The following ZNF34 variants were observed in gnomAD, a reference collection of about 807,000 sequenced individuals.
The protein encoded by ZNF34 is zinc finger protein 34 (KOX 32).
ZNF34 carries 8 observed loss-of-function variants against 14.4 expected under a neutral mutation model. The observed-to-expected ratio is 0.55, with a 90% CI of 0.33 to 1.00. The LOEUF (loss-of-function observed/expected upper bound fraction) is 1.00. ZNF34 is among the 50% of genes least tolerant of loss of function. ZNF34 has a pLI of 0.03. For missense variants in ZNF34, 538 were observed against 674.2 expected (o/e 0.80, Z 2.24); for synonymous variants, 235 against 247.9 (o/e 0.95, Z 0.49).
In ZNF34 at chr8:144,773,269, C is replaced by A; in HGVS notation, c.1617G>T (p.Met539Ile). The change falls in exon 6 of 6, where the codon ATG (methionine) becomes ATT (isoleucine). Residue 539 changes from methionine to isoleucine, a missense_variant. Met to Ile is a conservative substitution (Grantham distance 10). Around this residue, in one of 3 missense-constraint regions of ZNF34, gnomAD observed 101 missense variants for 123.1 expected, o/e 0.82. Coordinates refer to ENST00000429371, the MANE Select transcript of ZNF34 (RefSeq NM_001286769.2). The surrounding 1 kb of genome is among the most constrained non-coding windows in gnomAD (Gnocchi z 5.4). ...QRIHLREDFS[M>I] ...GCCCTCGGACACCGCGCCACTGTTA[C>A]ATGGAGAAGTCCTCCCGGAGGTGAA... 1 of 1,602,874 alleles carries A rather than the reference C, an allele frequency of 6.2e-7. No individual in the cohort carries two copies. The highest frequency in any genetic ancestry group is 1.3e-5 in the African/African-American group (1 of 74,942).
At chr8:144,783,988 C>A (rs1826062830) in intron 1 of ZNF34, among the ~76,000 whole-genome samples, 1 of 151,950 alleles carries the variant, frequency 6.6e-6, no homozygotes, top group Non-Finnish European at 1.5e-5. Context: ...GGTGAAACCC[C>A]ATCTCTACTA....
In ZNF34 at chr8:144,773,695, G is replaced by A. The variant is rs7845196; in HGVS notation, c.1191C>T (p.Pro397=). ...QHQRIHTGEK[P]YKCNECEKAF... is the part of the protein sequence containing the mutation. ...CTTTCTCACATTCATTACATTTATAGGGTTTCTCTCCAGTGTGAATTCTCT... is the reference window on the plus strand; with the variant it reads ...CTTTCTCACATTCATTACATTTATAAGGTTTCTCTCCAGTGTGAATTCTCT... The change falls in exon 6 of 6, where the codon CCC becomes CCT. Residue 397 remains proline, a synonymous_variant. Coordinates refer to ENST00000429371, the MANE Select transcript of ZNF34 (RefSeq NM_001286769.2). The surrounding 1 kb of genome is among the most constrained non-coding windows in gnomAD (Gnocchi z 5.4). The A allele has an allele frequency of 0.013, 21,757 of 1,613,914 alleles. 2,538 individuals carry two copies. In the African/African-American group the frequency reaches 0.25, roughly 19 times the overall value.
chr8:144,773,626 G>A lies in ZNF34; in HGVS notation c.1260C>T (p.His420=). 1 of 1,614,190 alleles carries A rather than the reference G, an allele frequency of 6.2e-7. No individual in the cohort carries two copies. Among genetic ancestry groups the A allele is most frequent in the Non-Finnish European group, 8.5e-7 (1 of 1,180,022 alleles). Residue 420 remains histidine (H), a synonymous_variant, in exon 6 of 6, where the codon CAC becomes CAT. Coordinates refer to ENST00000429371, the MANE Select transcript of ZNF34 (RefSeq NM_001286769.2). The surrounding 1 kb of genome is among the most constrained non-coding windows in gnomAD (Gnocchi z 5.4). ...KTKLVEHQRS[H]TGEKPYECND... ...TGCATTCATAGGGCTTCTCTCCAGT[G>A]TGGCTTCTCTGATGTTCCACGAGTT... is the stretch of plus-strand genomic sequence containing the variant.
chr8:144,784,360 T>C (rs1826093210), intron 1 of ZNF34, among the ~76,000 whole-genome samples: 1 of 151,122 alleles, frequency 6.6e-6, no homozygotes. Flanking sequence ...GGACAATAAA[T>C]GGTATTGGCA....
chr8:144,780,978 CA>C (rs1554629334), intron 1 of ZNF34, among the ~76,000 whole-genome samples: 2 of 139,602 alleles, frequency 1.4e-5, no homozygotes, highest in African/African-American at 2.6e-5. Flanking sequence ...ACCGAAAATA[CA>C]AAAAAAATTA....
rs10710060 is a variant in ZNF34, at chr8:144,780,026, CAAAAAA to C, written c.-55+196_-55+201del. On this transcript the variant is annotated intron_variant, in intron 2 of 5. Coordinates refer to ENST00000429371, the MANE Select transcript of ZNF34 (RefSeq NM_001286769.2). ...CAACATAGGGAGACCTTAATGCTAC[CAAAAAA>C]AAAAAAAAAAAAAAATTAGCTGGCT... Among the ~76,000 whole-genome samples, 23 of 101,652 alleles carry C rather than the reference CAAAAAA, an allele frequency of 2.3e-4. No homozygotes were observed. The South Asian group carries it at 5.4e-3, about 24-fold the overall frequency. 66.7% of individuals were successfully genotyped at this position (101,652 alleles called of 152,430 possible). A position where few individuals can be genotyped will look rare whatever the true frequency, so the allele number is the denominator to read the frequency against.
In ZNF34 at chr8:144,773,420, T is replaced by G. The variant is rs1414393595; in HGVS notation, c.1466A>C (p.Lys489Thr). 2 of 1,613,782 alleles carry G rather than the reference T, an allele frequency of 1.2e-6. No individual in the cohort carries two copies. The highest frequency in any genetic ancestry group is 3.3e-5 in the Admixed American group (2 of 59,972). The change falls in exon 6 of 6, where the codon AAA becomes ACA. Residue 489 changes from lysine to threonine, a missense_variant. By Grantham distance (78) the Lys-to-Thr change is moderately conservative. Coordinates refer to ENST00000429371, the MANE Select transcript of ZNF34 (RefSeq NM_001286769.2). This position sits in a 1 kb window ranked among gnomAD's most constrained non-coding sequence, Gnocchi z 5.4. ...CAAGTACGTGCTCTGGCTGAAGGCT[T>G]TCTTGCAATCGCTGCATCTGTAGGG... ...EKPYRCSDCK[K>T]AFSQSTYLIQ...
Position 144,774,191 on chromosome 8 carries a change from CAAT to C in ZNF34, c.692_694del (p.Tyr231del). 1 of 1,613,862 alleles carries C rather than the reference CAAT, an allele frequency of 6.2e-7. No homozygotes were observed. The highest frequency in any genetic ancestry group is 1.3e-5 in the African/African-American group (1 of 75,042). ...CCTGAATGTTTTCCCACAGTAACTG[CAAT>C]AATGCAATTTTTTCCCAGTAGGAAT... On this transcript the variant is annotated inframe_deletion, in exon 6 of 6. Transcript: ENST00000429371.
Position 144,777,133 on chromosome 8 carries a change from C to G in ZNF34, c.280+325G>C, listed in dbSNP as rs2953861. On this transcript the variant is annotated intron_variant, in intron 5 of 5. Coordinates refer to ENST00000429371, the MANE Select transcript of ZNF34 (RefSeq NM_001286769.2). This position sits in a 1 kb window ranked among gnomAD's most constrained non-coding sequence, Gnocchi z 4.8. The stretch of plus-strand genomic sequence containing the variant: ...TCATTATCTGGCATCAGCTCTGGAG[C>G]GCAGGGTTCTGTGGGGTTCCGCAGA... 0.2 allele frequency among the ~76,000 whole-genome samples: 29,945 copies of G among 151,838 alleles called. 3,914 individuals carry two copies. The highest frequency in any genetic ancestry group is 0.4 in the East Asian group (2,037 of 5,114).
intron 1 of ZNF34, 109 bp downstream of exon 1, chr8:144,787,170 A>T (rs1826297684): frequency 6.6e-6 from 1 of 152,236 alleles, no homozygotes; most frequent in Non-Finnish European, 1.5e-5. Context: ...GGACGGACCC[A>T]CGCCTGCAGC....
intron 1 of ZNF34, among the ~76,000 whole-genome samples, chr8:144,782,842 C>CAAAA (rs548252812): frequency 0.012 from 271 of 22,840 alleles, 22 homozygotes; most frequent in Non-Finnish European, 0.013. Context: ...AAGCCTATCT[C>CAAAA]AAAAAAAAAA....
chr8:144,787,049 G>T (rs1826290866), intron 1 of ZNF34, among the ~76,000 whole-genome samples: 1 of 152,194 alleles, frequency 6.6e-6, no homozygotes, highest in African/African-American at 2.4e-5. Context: ...CTCGAGAGCG[G>T]AAGGAGCCCC....
intron 5 of ZNF34, 119 bp from the exon 6 acceptor site, chr8:144,774,724 T>G: frequency 8.0e-7 from 1 of 1,256,036 alleles, no homozygotes; most frequent in South Asian, 1.5e-5. Context: ...CCAACAGCCT[T>G]GCAAAGATAA....
chr8:144,774,406 G>T lies in ZNF34; in HGVS notation c.480C>A (p.Asn160Lys). Residue 160 changes from asparagine to lysine, a missense_variant, in exon 6 of 6, where the codon AAC becomes AAA. Coordinates refer to ENST00000429371, the MANE Select transcript of ZNF34 (RefSeq NM_001286769.2). Reference sequence around the variant, plus strand: ...GAACAGGTCTTGACAGCAACCTGAGGTTTCCCCCAGACTCCCTGCTGCTCT... The same window carrying T: ...GAACAGGTCTTGACAGCAACCTGAGTTTTCCCCCAGACTCCCTGCTGCTCT... ...NGESSRESGG[N>K]LRLLSRPVPD... The T allele has an allele frequency of 5.0e-6, 8 of 1,613,830 alleles. No homozygotes were observed. The highest frequency in any genetic ancestry group is 6.8e-6 in the Non-Finnish European group (8 of 1,179,834).
rs1825609945 is a variant in ZNF34, at chr8:144,777,718, A to G, written c.161-141T>C. 2 of 1,117,242 alleles carry G rather than the reference A, an allele frequency of 1.8e-6. No individual in the cohort carries two copies. Among genetic ancestry groups the G allele is most frequent in the East Asian group, 2.6e-5 (1 of 38,546 alleles). 69.2% of individuals were successfully genotyped at this position (1,117,242 alleles called of 1,614,324 possible). On this transcript the variant is annotated intron_variant, in intron 4 of 5. Coordinates refer to ENST00000429371, the MANE Select transcript of ZNF34 (RefSeq NM_001286769.2). The surrounding 1 kb of genome is among the most constrained non-coding windows in gnomAD (Gnocchi z 4.8). ...TGGACACTCTCTGGAGGGCACTGAG[A>G]TTGGGCTGGGGCAGTCCTGAGCATA...
chr8:144,775,678 G>A (rs112001613), intron 5 of ZNF34, among the ~76,000 whole-genome samples: 6,926 of 152,268 alleles, frequency 0.045, 296 homozygotes, highest in African/African-American at 0.1. Flanking sequence ...ACCCCTGTGG[G>A]GAGCAGTGGG....
intron 1 of ZNF34, among the ~76,000 whole-genome samples, chr8:144,782,842 CAAAAAAAAAAAAAAAAAAAAAAAA>C (rs548252812): frequency 4.4e-5 from 1 of 22,966 alleles, no homozygotes; most frequent in African/African-American, 3.1e-4. Flanking sequence ...AAGCCTATCT[CAAAAAAAAAAAAAAAAAAAAAAAA>C]AAAAAAAAAG....
intron 1 of ZNF34, among the ~76,000 whole-genome samples, chr8:144,786,341 T>C (rs551269910): frequency 4.0e-5 from 6 of 151,864 alleles, no homozygotes; most frequent in African/African-American, 1.4e-4. Flanking sequence ...TGTAGAGATA[T>C]AAGAAAACGA....
intron 1 of ZNF34, 129 bp from the exon 2 acceptor site, chr8:144,780,409 C>A (rs1470951054): frequency 2.7e-6 from 2 of 734,374 alleles, no homozygotes; most frequent in Non-Finnish European, 4.4e-6. Context: ...ATATTTTTAT[C>A]ATAAAAGTTG....
Sources: allele counts gnomAD v4.1 joint callset (sites outside exome capture counted in the v4.1 genomes callset), GRCh38; gene constraint gnomAD v4.1.1; regional missense constraint gnomAD v4.1.1; non-coding constraint Gnocchi (gnomAD v3.1); transcripts MANE v1.5; gene names NCBI Gene and HGNC (gene_info 2026-07-23, HGNC 2026-07-21).